TPX2: variants seen among roughly 807,000 people sequenced by gnomAD.
TPX2 encodes the protein targeting protein for Xklp2.
Under a neutral mutation model 93.6 loss-of-function variants are expected in TPX2, and 21 were observed. That is an observed-to-expected ratio of 0.22 (90% CI 0.16 to 0.32). TPX2 has a LOEUF of 0.32. Among genes scored for constraint, TPX2 ranks in the 10% least tolerant of loss-of-function variants. The pLI, the probability that TPX2 is intolerant of heterozygous loss-of-function variation, is 1.00. For missense variants in TPX2, 776 were observed against 871.1 expected, an observed-to-expected ratio of 0.89 and a Z score of 1.37; for synonymous variants, 281 against 298.3, an observed-to-expected ratio of 0.94 and a Z score of 0.60.
At chr20:31,750,542 T>G (rs1040015643) in intron 2 of TPX2, among the ~76,000 whole-genome samples, 3 of 151,558 alleles carry the variant, frequency 2.0e-5, no homozygotes, top group Non-Finnish European at 4.4e-5. Context: ...CTCGGCTCAC[T>G]GCAACCTCTG....
intron 11 of TPX2, 73 bp from the exon 12 acceptor site, chr20:31,783,632 T>A: frequency 7.3e-7 from 1 of 1,369,056 alleles, no homozygotes; most frequent in Non-Finnish European, 1.0e-6. Context: ...TCTTTGTGGT[T>A]GGCTTACTTT....
intron 11 of TPX2, among the ~76,000 whole-genome samples, chr20:31,782,800 C>T (rs1317091497): frequency 6.6e-6 from 1 of 151,874 alleles, no homozygotes; most frequent in Non-Finnish European, 1.5e-5. Flanking sequence ...GCAGCCTGAA[C>T]CCAGGAGGTC....
chr20:31,788,588 C>T lies in TPX2; in HGVS notation c.1414-4147C>T, dbSNP rs925900248. ...GTTTCGTGTGTCCTTACAGTGTTTC[C>T]TCTGCACTTCCACTTGTGGTTGATA... On this transcript the variant is annotated intron_variant, in intron 12 of 17. Coordinates refer to ENST00000300403, the MANE Select transcript of TPX2 (RefSeq NM_012112.5). Among the ~76,000 whole-genome samples, 4 of 152,212 alleles carry T rather than the reference C, an allele frequency of 2.6e-5. No homozygotes were observed. The South Asian group carries it at 8.3e-4, about 32-fold the overall frequency.
chr20:31,798,284 G>A, intron 16 of TPX2, 81 bp from the exon 17 acceptor site: 1 of 1,552,358 alleles, frequency 6.4e-7, no homozygotes, highest in Non-Finnish European at 8.9e-7. Context: ...GTGCATGTCT[G>A]TGCCACTTGC....
At chr20:31,778,685 A>T in intron 9 of TPX2, 128 bp from the exon 10 acceptor site, 1 of 845,112 alleles carries the variant, frequency 1.2e-6, no homozygotes, top group Non-Finnish European at 1.8e-6. Flanking sequence ...GGACTGACAA[A>T]CTTCAGAATA....
chr20:31,756,165 A>G (rs1415616575), intron 2 of TPX2, among the ~76,000 whole-genome samples: 1 of 152,204 alleles, frequency 6.6e-6, no homozygotes, highest in East Asian at 1.9e-4. Flanking sequence ...GGTTGGATGG[A>G]TGGATGGATG....
rs556290827 is a variant in TPX2, at chr20:31,783,843, A to G, written c.1335A>G (p.Glu445=). 1 of 1,608,916 alleles carries G rather than the reference A, an allele frequency of 6.2e-7. No individual in the cohort carries two copies. Among genetic ancestry groups the G allele is most frequent in the South Asian group, 1.1e-5 (1 of 89,532 alleles). The change falls in exon 12 of 18, where the codon GAA becomes GAG. Residue 445 remains glutamate (E), a synonymous_variant. Coordinates refer to ENST00000300403, the MANE Select transcript of TPX2 (RefSeq NM_012112.5). ...TTGAGAAAAGAATCCAGGAGCGAGA[A>G]TCAAAGAAGAAAACAGAGGATGAAC... is the stretch of plus-strand genomic sequence containing the variant. ...LEIEKRIQER[E]SKKKTEDEHF... is the part of the protein sequence containing the mutation.
rs1203826419 is a variant in TPX2 at position 31,801,160 on chromosome 20, T to C, written c.*80T>C. On this transcript the variant is annotated 3_prime_UTR_variant, in exon 18 of 18. Transcript: ENST00000300403. ...AACCTAGGACCGTCTTGCTTTGTCA[T>C]TGGGCATGGAGAGAACCCATTTCTC... The C allele has an allele frequency of 5.3e-6, 7 of 1,321,196 alleles. No homozygotes were observed. The South Asian group carries it at 6.0e-5, about 11-fold the overall frequency. 81.8% of individuals were successfully genotyped at this position (1,321,196 alleles called of 1,614,324 possible).
At chr20:31,755,520 T>C (rs967737503) in intron 2 of TPX2, among the ~76,000 whole-genome samples, 1 of 151,680 alleles carries the variant, frequency 6.6e-6, no homozygotes, top group Non-Finnish European at 1.5e-5. Context: ...TGGCTCACAC[T>C]TGGGAGGCCG....
chr20:31,758,711 G>T (rs2061867757), intron 3 of TPX2, among the ~76,000 whole-genome samples: 1 of 152,092 alleles, frequency 6.6e-6, no homozygotes. Flanking sequence ...TTTGGAAAAG[G>T]ACTTTAATGG....
At chr20:31,756,439 A>G (rs1264659466) in intron 2 of TPX2, among the ~76,000 whole-genome samples, 2 of 152,072 alleles carry the variant, frequency 1.3e-5, no homozygotes, top group African/African-American at 4.8e-5. Context: ...GTATTTTAGA[A>G]ATTGGGTTAT....
At chr20:31,798,302 A>G in intron 16 of TPX2, 63 bp from the exon 17 acceptor site, 1 of 1,602,508 alleles carries the variant, frequency 6.2e-7, no homozygotes, top group Non-Finnish European at 8.5e-7. Context: ...TGCTCATTCC[A>G]GGGGGCGTAG....
intron 12 of TPX2, among the ~76,000 whole-genome samples, chr20:31,785,213 CATATGTACT>C (rs1371313366): frequency 6.6e-6 from 1 of 152,026 alleles, no homozygotes; most frequent in Admixed American, 6.6e-5. Flanking sequence ...TGCCATGATG[CATATGTACT>C]ATATGCCAAG....
chr20:31,783,239 T>A (rs1234372105), intron 11 of TPX2, among the ~76,000 whole-genome samples: 1 of 151,854 alleles, frequency 6.6e-6, no homozygotes. Context: ...CTTTTATTCT[T>A]TTATTATTTT....
At chr20:31,783,523 T>G (rs1413615988) in intron 11 of TPX2, among the ~76,000 whole-genome samples, 182 bp from the exon 12 acceptor site, 1 of 152,228 alleles carries the variant, frequency 6.6e-6, no homozygotes, top group Non-Finnish European at 1.5e-5. Context: ...AGTGCTGGGA[T>G]TACGGGCATG....
Position 31,789,146 on chromosome 20 carries a change from C to T in TPX2, c.1414-3589C>T, listed in dbSNP as rs1468802907. Among the ~76,000 whole-genome samples the T allele has an allele frequency of 2.6e-5, 4 of 152,298 alleles. No homozygotes were observed. The South Asian group carries it at 8.3e-4, about 32-fold the overall frequency. On this transcript the variant is annotated intron_variant, in intron 12 of 17. Coordinates refer to ENST00000300403, the MANE Select transcript of TPX2 (RefSeq NM_012112.5). ...GCATCCCTCTAATAACCATTAGCTC[C>T]ATATTCTGCTGGGTTTCTTTAGAGC... is the stretch of plus-strand genomic sequence containing the variant.
chr20:31,773,521 A>T (rs558540708), intron 7 of TPX2, among the ~76,000 whole-genome samples: 587 of 151,876 alleles, frequency 3.9e-3, no homozygotes, highest in Middle Eastern at 0.024. Context: ...CGAACTCCTG[A>T]CCTCAAGTGA....
At chr20:31,745,328 CT>C (rs11458149) in intron 2 of TPX2, among the ~76,000 whole-genome samples, 40,791 of 122,772 alleles carry the variant, frequency 0.33, 5,931 homozygotes, top group African/African-American at 0.6. Context: ...TAGGTAAACA[CT>C]TTTTTTTTTT....
intron 10 of TPX2, chr20:31,781,022 C>T: frequency 2.8e-6 from 1 of 356,698 alleles, no homozygotes; most frequent in Non-Finnish European, 5.4e-6. Context: ...TGGGCTCAAG[C>T]AATCCTCCTG....
Sources: gnomAD v4.1 joint callset for allele counts (sites outside exome capture counted in the v4.1 genomes callset) on GRCh38, gnomAD v4.1.1 for gene constraint, MANE v1.5 for transcripts, NCBI Gene and HGNC (gene_info 2026-07-23, HGNC 2026-07-21) for gene names.